Variants in PAWR observed in about 807,000 individuals in gnomAD.
The protein encoded by PAWR is pro-apoptotic WT1 regulator, also known as PRKC apoptosis WT1 regulator protein.
PAWR carries 23 observed loss-of-function variants against 32.0 expected under a neutral mutation model. That is an observed-to-expected ratio of 0.72 (90% CI 0.52 to 1.02). PAWR has a LOEUF of 1.02. PAWR is among the 50% of genes least tolerant of loss of function. The probability of loss-of-function intolerance (pLI) is 0.00; values close to 1 mark genes in which losing one functional copy is unlikely to be tolerated. For synonymous variants in PAWR, 226 were observed against 187.1 expected (o/e 1.21, Z -1.70); for missense variants, 457 against 437.7 (o/e 1.04, Z -0.39).
Position 79,591,504 on chromosome 12 carries a change from C to T in PAWR, c.*1103G>A, listed in dbSNP as rs1565994222. 4 of 151,874 alleles carry T rather than the reference C, an allele frequency of 2.6e-5. No individual in the cohort carries two copies. Among genetic ancestry groups the T allele is most frequent in the South Asian group, 4.1e-4 (2 of 4,822 alleles). 9.4% of individuals were successfully genotyped at this position (151,874 alleles called of 1,614,324 possible). ...TTAACATGAATATGTAATACAAAAACAATTCTAAATAATAATATTTAATAG... is the reference window on the plus strand; with the variant it reads ...TTAACATGAATATGTAATACAAAAATAATTCTAAATAATAATATTTAATAG... On this transcript the variant is annotated 3_prime_UTR_variant, in exon 7 of 7. Transcript: ENST00000328827.
intron 2 of PAWR, among the ~76,000 whole-genome samples, chr12:79,663,208 T>C (rs1877431402): frequency 6.6e-6 from 1 of 152,242 alleles, no homozygotes; most frequent in Admixed American, 6.5e-5. Flanking sequence ...TTACTCTGTA[T>C]TCTAAGGTTT....
At chr12:79,597,395 C>T (rs1310027504) in intron 4 of PAWR, among the ~76,000 whole-genome samples, 1 of 152,104 alleles carries the variant, frequency 6.6e-6, no homozygotes, top group Non-Finnish European at 1.5e-5. Flanking sequence ...GGTGAAAAAC[C>T]ACTTTCCTTC....
At chr12:79,604,762 C>T in intron 4 of PAWR, 1 of 1,115,442 alleles carries the variant, frequency 9.0e-7, no homozygotes, top group South Asian at 1.4e-5. Context: ...ACACCAACAA[C>T]TAAAAATCAA....
At chr12:79,593,570 G>A (rs1873633470) in intron 6 of PAWR, among the ~76,000 whole-genome samples, 1 of 151,394 alleles carries the variant, frequency 6.6e-6, no homozygotes, top group Admixed American at 6.6e-5. Context: ...TAATCAATTT[G>A]AATCACTTGA....
In PAWR at chr12:79,632,298, TATATATATAC is replaced by T. The variant is rs1269847241; in HGVS notation, c.517-11101_517-11092del. 5.7e-3 allele frequency: 75 copies of T among 13,158 alleles called. 7 individuals are homozygous for T. Among genetic ancestry groups the T allele is most frequent in the African/African-American group, 0.042 (70 of 1,680 alleles). The allele number at this position is 13,158 out of a possible 1,614,324, so 0.8% of individuals were successfully genotyped here. A position where few individuals can be genotyped will look rare whatever the true frequency, so the allele number is the denominator to read the frequency against. ...GAGTCCAGAAATAGAAATATATACATATATATATACATACATATATATATATATATATATA... is the reference window on the plus strand; with the variant it reads ...GAGTCCAGAAATAGAAATATATACATATACATATATATATATATATATATA... On this transcript the variant is annotated intron_variant, in intron 2 of 6. Coordinates refer to ENST00000328827, the MANE Select transcript of PAWR (RefSeq NM_002583.4).
At chr12:79,608,186 G>C (rs1009895285) in intron 4 of PAWR, among the ~76,000 whole-genome samples, 3 of 152,086 alleles carry the variant, frequency 2.0e-5, no homozygotes, top group East Asian at 1.9e-4. Context: ...GTTCTAGTCG[G>C]TTTCTTATGA....
chr12:79,624,043 T>G (rs1875160302), intron 2 of PAWR, among the ~76,000 whole-genome samples: 1 of 152,166 alleles, frequency 6.6e-6, no homozygotes, highest in South Asian at 2.1e-4. Context: ...TCATCTCTAG[T>G]CTTCTACTGT....
At chr12:79,658,672 T>C (rs1348119839) in intron 2 of PAWR, among the ~76,000 whole-genome samples, 2 of 152,004 alleles carry the variant, frequency 1.3e-5, no homozygotes, top group African/African-American at 4.8e-5. Context: ...TGTTTAATTG[T>C]TTAAGTTTAC....
In PAWR at chr12:79,632,316, T is replaced by TATATATATATATATATATAC. The variant is rs1875693885; in HGVS notation, c.517-11110_517-11109insGTATATATATATATATATAT. On this transcript the variant is annotated intron_variant, in intron 2 of 6. Transcript: ENST00000328827. ...ATATACATATATATATACATACATA[T>TATATATATATATATATATAC]ATATATATATATATATATATATATA... Among the ~76,000 whole-genome samples, 3 of 21,554 alleles carry TATATATATATATATATATAC rather than the reference T, an allele frequency of 1.4e-4. 1 individual carries two copies. The highest frequency in any genetic ancestry group is 2.0e-4 in the Non-Finnish European group (3 of 14,644). The allele number at this position is 21,554 out of a possible 152,430, so 14.1% of individuals were successfully genotyped here. A position where few individuals can be genotyped will look rare whatever the true frequency, so the allele number is the denominator to read the frequency against.
At chr12:79,680,622 G>T (rs985507753) in intron 2 of PAWR, among the ~76,000 whole-genome samples, 2 of 151,924 alleles carry the variant, frequency 1.3e-5, no homozygotes, top group Non-Finnish European at 2.9e-5. Context: ...TGAGTTTCAG[G>T]AACTTATTTC....
intron 2 of PAWR, among the ~76,000 whole-genome samples, chr12:79,666,864 T>C (rs1005598317): frequency 9.2e-5 from 14 of 152,204 alleles, no homozygotes; most frequent in Admixed American, 6.5e-5. Context: ...ACTCAATAAT[T>C]TTTAAGAATG....
chr12:79,601,443 G>A (rs1325440450), intron 4 of PAWR, among the ~76,000 whole-genome samples: 15 of 151,910 alleles, frequency 9.9e-5, no homozygotes, highest in African/African-American at 2.7e-4. Flanking sequence ...GGCCTCAAGC[G>A]ATCTTCCTGC....
rs1019658835 is a variant in PAWR, at chr12:79,584,982, T to C, written c.*7625A>G. 1.9e-5 allele frequency: 5 copies of C among 260,514 alleles called. No individual in the cohort carries two copies. The highest frequency in any genetic ancestry group is 9.1e-5 in the African/African-American group (4 of 43,784). 16.1% of individuals were successfully genotyped at this position (260,514 alleles called of 1,614,324 possible). On this transcript the variant is annotated 3_prime_UTR_variant, in exon 7 of 7. Transcript: ENST00000328827. Reference sequence around the variant, plus strand: ...CTTCAGGCAATAACAGAGATAAAACTTAACACAGACAAACAATGATTTTAT... The same window carrying C: ...CTTCAGGCAATAACAGAGATAAAACCTAACACAGACAAACAATGATTTTAT...
Position 79,591,509 on chromosome 12 carries a change from C to A in PAWR, c.*1098G>T, listed in dbSNP as rs140867138. Reference sequence around the variant, plus strand: ...ATGAATATGTAATACAAAAACAATTCTAAATAATAATATTTAATAGAAGAA... The same window carrying A: ...ATGAATATGTAATACAAAAACAATTATAAATAATAATATTTAATAGAAGAA... On this transcript the variant is annotated 3_prime_UTR_variant, in exon 7 of 7. Transcript: ENST00000328827. 321 of 152,016 alleles carry A rather than the reference C, an allele frequency of 2.1e-3. 2 individuals are homozygous for A. The highest frequency in any genetic ancestry group is 7.5e-3 in the African/African-American group (313 of 41,500). The allele number at this position is 152,016 out of a possible 1,614,324, so 9.4% of individuals were successfully genotyped here.
intron 2 of PAWR, among the ~76,000 whole-genome samples, chr12:79,648,457 A>C (rs558518380): frequency 5.9e-5 from 9 of 152,182 alleles, no homozygotes; most frequent in South Asian, 4.1e-4. Context: ...AAACAACAAC[A>C]ACCACACACA....
intron 4 of PAWR, among the ~76,000 whole-genome samples, chr12:79,608,499 C>T (rs1240879535): frequency 1.3e-5 from 2 of 152,188 alleles, no homozygotes; most frequent in Non-Finnish European, 2.9e-5. Context: ...TCACTGACTG[C>T]TCACCTCCTG....
At chr12:79,639,257 G>A (rs1876163164) in intron 2 of PAWR, among the ~76,000 whole-genome samples, 1 of 151,806 alleles carries the variant, frequency 6.6e-6, no homozygotes, top group Non-Finnish European at 1.5e-5. Context: ...CTACATAAAA[G>A]CCATATTATT....
chr12:79,644,585 A>G (rs939827657), intron 2 of PAWR, among the ~76,000 whole-genome samples: 6 of 152,190 alleles, frequency 3.9e-5, no homozygotes, highest in African/African-American at 1.4e-4. Flanking sequence ...AGTTTTAAAT[A>G]AACAAAAACT....
intron 2 of PAWR, among the ~76,000 whole-genome samples, chr12:79,629,861 T>C (rs1011782057): frequency 1.3e-5 from 2 of 152,050 alleles, no homozygotes; most frequent in Non-Finnish European, 2.9e-5. Context: ...GCTAAATATA[T>C]GGAAATTAAT....
Sources: allele counts gnomAD v4.1 joint callset (sites outside exome capture counted in the v4.1 genomes callset), GRCh38; gene constraint gnomAD v4.1.1; transcripts MANE v1.5; gene names NCBI Gene and HGNC (gene_info 2026-07-23, HGNC 2026-07-21).